Variants in ARHGAP6 observed in about 807,000 individuals in gnomAD.
ARHGAP6 encodes the protein rho GTPase-activating protein 6.
Under a neutral mutation model 55.7 loss-of-function variants are expected in ARHGAP6, and 16 were observed. The observed-to-expected ratio is 0.29, with a 90% confidence interval of 0.19 to 0.44. The LOEUF (loss-of-function observed/expected upper bound fraction) is 0.44, where lower values mean the gene tolerates loss of function less well. Among genes scored for constraint, ARHGAP6 ranks in the 20% least tolerant of loss-of-function variants. The pLI, the probability that ARHGAP6 is intolerant of heterozygous loss-of-function variation, is 1.00. For missense variants in ARHGAP6, 698 were observed against 808.9 expected (o/e 0.86, Z 1.66); for synonymous variants, 382 against 360.9 (o/e 1.06, Z -0.66).
At chrX:11,611,332 G>A (rs1322367199) in intron 1 of ARHGAP6, among the ~76,000 whole-genome samples, 4 of 112,012 alleles carry the variant, frequency 3.6e-5, no homozygotes, top group Admixed American at 9.5e-5. Context: ...ACCTTGTAGG[G>A]AATGAAACAC....
intron 2 of ARHGAP6, among the ~76,000 whole-genome samples, chrX:11,237,702 C>T (rs918223738): frequency 4.5e-5 from 5 of 111,710 alleles, no homozygotes; most frequent in African/African-American, 6.5e-5. Context: ...TGTATTTGGA[C>T]CAATAAAATT....
chrX:11,227,074 C>T (rs186137939), intron 2 of ARHGAP6, among the ~76,000 whole-genome samples: 9 of 111,990 alleles, frequency 8.0e-5, no homozygotes, highest in Admixed American at 7.5e-4. Flanking sequence ...TGTGAAAAGA[C>T]ATGCTCATAT....
At chrX:11,330,805 G>C (rs1028288161) in intron 1 of ARHGAP6, among the ~76,000 whole-genome samples, 2 of 111,897 alleles carry the variant, frequency 1.8e-5, no homozygotes, top group Non-Finnish European at 3.8e-5. Flanking sequence ...CCCAGTGAAT[G>C]GTGTCATCAT....
chrX:11,253,980 G>A (rs767158178), intron 2 of ARHGAP6, among the ~76,000 whole-genome samples: 1 of 110,718 alleles, frequency 9.0e-6, no homozygotes, highest in South Asian at 3.9e-4. Flanking sequence ...AGGAATTCAA[G>A]TACATGTGTC....
intron 7 of ARHGAP6, 125 bp downstream of exon 7, chrX:11,179,177 A>T: frequency 3.0e-6 from 2 of 661,663 alleles, no homozygotes; most frequent in Non-Finnish European, 4.3e-6. Context: ...CAAATAGCTC[A>T]CTCTTTAGAG....
intron 1 of ARHGAP6, among the ~76,000 whole-genome samples, chrX:11,656,955 T>C (rs1200247901): frequency 8.9e-6 from 1 of 112,152 alleles, no homozygotes; most frequent in African/African-American, 3.2e-5. Flanking sequence ...TTTCATAAAC[T>C]GGAAGCACCT....
At chrX:11,469,381 C>T (rs1051703694) in intron 1 of ARHGAP6, among the ~76,000 whole-genome samples, 6 of 112,258 alleles carry the variant, frequency 5.3e-5, no homozygotes, top group Non-Finnish European at 7.5e-5. Flanking sequence ...TTTGAACTGA[C>T]GTATTCTGTA....
At chrX:11,359,391 T>G (rs1239669576) in intron 1 of ARHGAP6, among the ~76,000 whole-genome samples, 1 of 112,542 alleles carries the variant, frequency 8.9e-6, no homozygotes, top group Non-Finnish European at 1.9e-5. Flanking sequence ...GAGGACATTA[T>G]GTTTAATAAA....
chrX:11,326,438 T>C (rs979874202), intron 1 of ARHGAP6, among the ~76,000 whole-genome samples: 4 of 111,860 alleles, frequency 3.6e-5, no homozygotes, highest in Non-Finnish European at 7.5e-5. Context: ...GGGATTTTTT[T>C]TTTTTCCTAT....
intron 12 of ARHGAP6, 47 bp downstream of exon 12, chrX:11,142,186 A>G (rs1211118536): frequency 1.1e-6 from 1 of 949,205 alleles, no homozygotes; most frequent in African/African-American, 2.0e-5. Flanking sequence ...AACTTTAGAA[A>G]ATAATTTTAA....
intron 9 of ARHGAP6, among the ~76,000 whole-genome samples, chrX:11,163,894 C>T (rs2045982515): frequency 8.9e-6 from 1 of 112,440 alleles, no homozygotes; most frequent in South Asian, 3.7e-4. Context: ...AAGAAATCAG[C>T]AGTCTTTGCT....
intron 1 of ARHGAP6, among the ~76,000 whole-genome samples, chrX:11,536,632 A>C (rs2051106692): frequency 8.9e-6 from 1 of 112,359 alleles, no homozygotes; most frequent in South Asian, 3.7e-4. Flanking sequence ...AACAATCACC[A>C]TCAAGAGAGA....
intron 1 of ARHGAP6, chrX:11,427,690 C>G: frequency 1.2e-6 from 1 of 830,416 alleles, no homozygotes; most frequent in Non-Finnish European, 1.5e-6. Flanking sequence ...TGGGGCAGCC[C>G]CTGGGCGCGA....
intron 2 of ARHGAP6, among the ~76,000 whole-genome samples, chrX:11,214,555 C>A (rs2046850863): frequency 8.9e-6 from 1 of 112,669 alleles, no homozygotes; most frequent in African/African-American, 3.2e-5. Flanking sequence ...CCCTGGCACT[C>A]CCCACTCCTG....
chrX:11,244,356 A>C (rs1654014350), intron 2 of ARHGAP6, among the ~76,000 whole-genome samples: 1 of 111,705 alleles, frequency 9.0e-6, no homozygotes, highest in Non-Finnish European at 1.9e-5. Context: ...GCTGGGTTTT[A>C]ATAAAAATAT....
At chrX:11,475,989 G>A (rs1231764781) in intron 1 of ARHGAP6, among the ~76,000 whole-genome samples, 1 of 111,357 alleles carries the variant, frequency 9.0e-6, no homozygotes, top group Non-Finnish European at 1.9e-5. Context: ...GCAAGGAGAT[G>A]CATATTAAAG....
intron 1 of ARHGAP6, among the ~76,000 whole-genome samples, chrX:11,552,015 T>C (rs2051271230): frequency 9.0e-6 from 1 of 111,690 alleles, no homozygotes; most frequent in Non-Finnish European, 1.9e-5. Flanking sequence ...GAAGACAGCA[T>C]AGATGAAACA....
chrX:11,539,139 G>A (rs771078436), intron 1 of ARHGAP6, among the ~76,000 whole-genome samples: 12 of 111,641 alleles, frequency 1.1e-4, no homozygotes, highest in Non-Finnish European at 2.1e-4. Context: ...TTACAGGCAT[G>A]AGCCACTGTG....
chrX:11,645,099 T>C (rs1470981724), intron 1 of ARHGAP6, among the ~76,000 whole-genome samples: 1 of 111,801 alleles, frequency 8.9e-6, no homozygotes, highest in Non-Finnish European at 1.9e-5. Flanking sequence ...GGCTAAATAC[T>C]GTACAATTCA....
Sources: allele counts gnomAD v4.1 joint callset (sites outside exome capture counted in the v4.1 genomes callset), GRCh38; gene constraint gnomAD v4.1.1; transcripts MANE v1.5; gene names NCBI Gene and HGNC (gene_info 2026-07-23, HGNC 2026-07-21).